Variants in SLC36A1 observed in about 807,000 individuals in gnomAD.
SLC36A1 encodes proton-coupled amino acid transporter 1.
SLC36A1 carries 30 observed loss-of-function variants against 47.5 expected under a neutral mutation model. The observed-to-expected ratio is 0.63, with a 90% CI of 0.47 to 0.86. The LOEUF (loss-of-function observed/expected upper bound fraction) is 0.86. SLC36A1 is among the 40% of genes least tolerant of loss of function. SLC36A1 has a pLI of 0.00. For missense variants in SLC36A1, 517 were observed against 606.0 expected (o/e 0.85, Z 1.54); for synonymous variants, 255 against 249.7 (o/e 1.02, Z -0.20).
At chr5:151,393,284 G>A in the SLC36A1 span, among the ~76,000 whole-genome samples, 1 of 152,084 alleles carries the variant, frequency 6.6e-6, no homozygotes, top group South Asian at 2.1e-4. Context: ...TTTATTTTGA[G>A]CCTATGTGTG....
At chr5:151,554,189 A>C in the SLC36A1 span, among the ~76,000 whole-genome samples, 1 of 152,194 alleles carries the variant, frequency 6.6e-6, no homozygotes, top group Non-Finnish European at 1.5e-5. Context: ...AGAAGGACCC[A>C]GAATTTGATC....
At chr5:151,533,768 A>T in the SLC36A1 span, among the ~76,000 whole-genome samples, 1 of 151,914 alleles carries the variant, frequency 6.6e-6, no homozygotes, top group Non-Finnish European at 1.5e-5. Context: ...ATATATATAT[A>T]TCACATTAAT....
At chr5:151,352,897 T>C in the SLC36A1 span, among the ~76,000 whole-genome samples, 1 of 152,256 alleles carries the variant, frequency 6.6e-6, no homozygotes, top group Non-Finnish European at 1.5e-5. Flanking sequence ...TCAAAGGGTA[T>C]GATTTAAACC....
At chr5:151,537,667 G>A in the SLC36A1 span, 1 of 904,576 alleles carries the variant, frequency 1.1e-6, no homozygotes, top group Non-Finnish European at 1.7e-6. Flanking sequence ...GGCACATAGG[G>A]CCAATATATG....
chr5:151,508,891 G>A, the SLC36A1 span, among the ~76,000 whole-genome samples: 1 of 152,110 alleles, frequency 6.6e-6, no homozygotes, highest in Non-Finnish European at 1.5e-5. Context: ...TAGAAGCTAG[G>A]CCCATTCTTG....
chr5:151,410,274 C>T, the SLC36A1 span, among the ~76,000 whole-genome samples: 2 of 144,856 alleles, frequency 1.4e-5, no homozygotes, highest in Non-Finnish European at 3.0e-5. Flanking sequence ...TGAATTCATT[C>T]ATTCATTGAA....
At chr5:151,415,663 CTA>C in the SLC36A1 span, among the ~76,000 whole-genome samples, 1 of 152,144 alleles carries the variant, frequency 6.6e-6, no homozygotes, top group Admixed American at 6.5e-5. Context: ...GAGATTGTGT[CTA>C]TTTTGTTTGT....
At chr5:151,555,583 T>C in the SLC36A1 span, among the ~76,000 whole-genome samples, 2 of 151,920 alleles carry the variant, frequency 1.3e-5, no homozygotes, top group African/African-American at 4.8e-5. Context: ...TTGGCCAGGC[T>C]GGTCTTGAAC....
the SLC36A1 span, among the ~76,000 whole-genome samples, chr5:151,520,805 GGTAATAATAGTAGCA>G: frequency 6.6e-6 from 1 of 152,104 alleles, no homozygotes; most frequent in Non-Finnish European, 1.5e-5. Flanking sequence ...ACCAGACTAT[GGTAATAATAGTAGCA>G]GTATTAGTAA....
At chr5:151,410,660 C>T in the SLC36A1 span, among the ~76,000 whole-genome samples, 7 of 144,310 alleles carry the variant, frequency 4.9e-5, 1 homozygote, top group Admixed American at 2.1e-4. Flanking sequence ...ACATAACTTT[C>T]GCCTTTTATT....
chr5:151,399,084 A>ATATATATATATAT, the SLC36A1 span, among the ~76,000 whole-genome samples: 25 of 60,036 alleles, frequency 4.2e-4, 1 homozygote, highest in African/African-American at 9.5e-4. Flanking sequence ...ATATATATAT[A>ATATATATATATAT]TTTTTTTTTT....
chr5:151,442,582 A>G (rs1202497427), intron 1 of SLC36A1, among the ~76,000 whole-genome samples: 1 of 152,200 alleles, frequency 6.6e-6, no homozygotes, highest in African/African-American at 2.4e-5. Flanking sequence ...GAGCTATAGA[A>G]CTGATTCCTA....
chr5:151,506,477 A>G, the SLC36A1 span, among the ~76,000 whole-genome samples: 3 of 151,336 alleles, frequency 2.0e-5, no homozygotes, highest in African/African-American at 7.3e-5. Flanking sequence ...GGACTCACTC[A>G]CAGGTGTGAT....
the SLC36A1 span, among the ~76,000 whole-genome samples, chr5:151,383,059 C>T: frequency 0.011 from 1,653 of 152,278 alleles, 67 homozygotes; most frequent in East Asian, 0.14. Context: ...CCACCGCACC[C>T]GGCCCACAGT....
the SLC36A1 span, chr5:151,542,244 G>T: frequency 6.6e-7 from 1 of 1,521,676 alleles, no homozygotes; most frequent in Non-Finnish European, 8.8e-7. Context: ...GATGTTTTTC[G>T]ATACATTCCA....
intron 10 of SLC36A1, among the ~76,000 whole-genome samples, chr5:151,487,015 G>T (rs1759656600): frequency 6.6e-6 from 1 of 152,110 alleles, no homozygotes; most frequent in Non-Finnish European, 1.5e-5. Context: ...TCCCCATTTT[G>T]CCAACAAGAA....
At chr5:151,468,653 C>T (rs73272012) in intron 7 of SLC36A1, among the ~76,000 whole-genome samples, 9 of 151,662 alleles carry the variant, frequency 5.9e-5, no homozygotes, top group African/African-American at 2.2e-4. Flanking sequence ...TGAGTTATGA[C>T]AACCAAAAAT....
the SLC36A1 span, among the ~76,000 whole-genome samples, chr5:151,503,371 A>C: frequency 6.7e-6 from 1 of 148,174 alleles, no homozygotes; most frequent in Middle Eastern, 3.4e-3. Flanking sequence ...TGAGCCATAA[A>C]ACTGCTCTAA....
At chr5:151,549,029 A>T in the SLC36A1 span, among the ~76,000 whole-genome samples, 1 of 152,142 alleles carries the variant, frequency 6.6e-6, no homozygotes, top group Admixed American at 6.5e-5. Context: ...TATCTTCTAC[A>T]TGTTTGGTCA....
Sources: allele counts gnomAD v4.1 joint callset (sites outside exome capture counted in the v4.1 genomes callset), GRCh38; gene constraint gnomAD v4.1.1; transcripts MANE v1.5; gene names NCBI Gene and HGNC (gene_info 2026-07-23, HGNC 2026-07-21).